DUSP16: variants seen among roughly 807,000 people sequenced by gnomAD.
DUSP16 encodes dual specificity protein phosphatase 16.
Under a neutral mutation model 58.3 loss-of-function variants are expected in DUSP16, and 21 were observed. That is an observed-to-expected ratio of 0.36 (90% CI 0.26 to 0.52). The LOEUF (loss-of-function observed/expected upper bound fraction) is 0.52, where lower values mean the gene tolerates loss of function less well. DUSP16 is among the 20% of genes least tolerant of loss of function. The probability of loss-of-function intolerance (pLI) is 0.94; values close to 1 mark genes in which losing one functional copy is unlikely to be tolerated. For synonymous variants in DUSP16, 320 were observed against 323.8 expected, an observed-to-expected ratio of 0.99 and a Z score of 0.12; for missense variants, 726 against 819.0, an observed-to-expected ratio of 0.89 and a Z score of 1.39.
chr12:12,504,553 C>A (rs536786860), intron 3 of DUSP16, among the ~76,000 whole-genome samples: 1 of 152,126 alleles, frequency 6.6e-6, no homozygotes, highest in East Asian at 1.9e-4. Context: ...TGAGCCACTG[C>A]GCCCTGCCAG....
At chr12:12,545,846 T>C (rs560881404) in intron 1 of DUSP16, among the ~76,000 whole-genome samples, 1 of 152,300 alleles carries the variant, frequency 6.6e-6, no homozygotes, top group East Asian at 1.9e-4. Context: ...CAAAACTATA[T>C]GACAGCTTCA....
At chr12:12,546,800 C>T (rs953097227) in intron 1 of DUSP16, among the ~76,000 whole-genome samples, 1 of 152,158 alleles carries the variant, frequency 6.6e-6, no homozygotes, top group Non-Finnish European at 1.5e-5. Flanking sequence ...GTCATGGCAC[C>T]ATATGGCAAT....
chr12:12,560,594 C>G (rs1158496595), intron 1 of DUSP16, among the ~76,000 whole-genome samples: 1 of 152,210 alleles, frequency 6.6e-6, no homozygotes, highest in African/African-American at 2.4e-5. Context: ...AATCCCTACA[C>G]AGAGCCATAC....
chr12:12,477,931 GT>G lies in DUSP16; in HGVS notation c.899del (p.Asn300ThrfsTer72). 6.2e-7 allele frequency: 1 copy of G among 1,614,182 alleles called. No homozygotes were observed. The highest frequency in any genetic ancestry group is 8.5e-7 in the Non-Finnish European group (1 of 1,180,036). ...TCTTTGGCCCTGATGCTCCAGTCTG[GT>G]TCTTAATCTTCTTCTCATAGTCCAG... ...QLLDYEKKIK[N>X]QTGASGPKSK... On this transcript the variant is annotated frameshift_variant, in exon 7 of 7. Coordinates refer to ENST00000298573, the MANE Select transcript of DUSP16 (RefSeq NM_030640.3). LOFTEE classifies it high-confidence loss of function. This position sits in a 1 kb window ranked among gnomAD's most constrained non-coding sequence, Gnocchi z 4.1.
At chr12:12,499,781 C>T (rs74062576) in intron 4 of DUSP16, among the ~76,000 whole-genome samples, 1,683 of 152,220 alleles carry the variant, frequency 0.011, 30 homozygotes, top group African/African-American at 0.034. Context: ...CACTTTTCCA[C>T]GCAGTAAGAG....
At chr12:12,496,086 T>G (rs762980387) in intron 4 of DUSP16, among the ~76,000 whole-genome samples, 10 of 152,198 alleles carry the variant, frequency 6.6e-5, no homozygotes, top group Non-Finnish European at 1.5e-4. Flanking sequence ...TGTCCACCCC[T>G]AAAGCTGGCT....
chr12:12,554,348 G>A (rs536100704), intron 1 of DUSP16, among the ~76,000 whole-genome samples: 39 of 152,028 alleles, frequency 2.6e-4, no homozygotes, highest in African/African-American at 8.0e-4. Context: ...GACCTCAAGC[G>A]ATCCTCCCAC....
intron 3 of DUSP16, among the ~76,000 whole-genome samples, chr12:12,504,746 G>A (rs558955365): frequency 1.3e-5 from 2 of 150,110 alleles, no homozygotes; most frequent in Non-Finnish European, 3.0e-5. Context: ...GCATGGTGGA[G>A]TATTCCTGTA....
chr12:12,551,381 A>C (rs898626475), intron 1 of DUSP16, among the ~76,000 whole-genome samples: 37 of 151,264 alleles, frequency 2.4e-4, no homozygotes, highest in African/African-American at 8.0e-4. Context: ...TGGTGCGTGT[A>C]ATCTGAGCTA....
chr12:12,480,497 T>G (rs911826959), intron 5 of DUSP16, 151 bp from the exon 6 acceptor site: 15 of 934,688 alleles, frequency 1.6e-5, no homozygotes, highest in Non-Finnish European at 2.1e-5. Context: ...AATATTCTTT[T>G]GAGGAGGCAG....
chr12:12,533,801 C>G (rs1440865943), intron 1 of DUSP16, among the ~76,000 whole-genome samples: 3 of 152,228 alleles, frequency 2.0e-5, no homozygotes, highest in Non-Finnish European at 4.4e-5. Flanking sequence ...ATGGCGTATA[C>G]AGTGTCACTT....
At chr12:12,545,269 G>A (rs1243718446) in intron 1 of DUSP16, among the ~76,000 whole-genome samples, 1 of 151,894 alleles carries the variant, frequency 6.6e-6, no homozygotes, top group Admixed American at 6.6e-5. Context: ...CTAAATTTAT[G>A]TTTACTTTGA....
chr12:12,559,796 T>C (rs948529971), intron 1 of DUSP16, among the ~76,000 whole-genome samples: 2 of 152,062 alleles, frequency 1.3e-5, no homozygotes, highest in African/African-American at 4.8e-5. Context: ...CACTAACACA[T>C]AAATCCTGCC....
chr12:12,541,546 T>C (rs1944560774), intron 1 of DUSP16, among the ~76,000 whole-genome samples: 1 of 152,206 alleles, frequency 6.6e-6, no homozygotes, highest in Non-Finnish European at 1.5e-5. Context: ...CAGGAGTTGG[T>C]CAATCTATGA....
At chr12:12,526,531 GAAC>G (rs1302395144) in intron 1 of DUSP16, among the ~76,000 whole-genome samples, 5 of 152,250 alleles carry the variant, frequency 3.3e-5, no homozygotes, top group South Asian at 2.1e-4. Context: ...TCAACTAAGA[GAAC>G]AACATAAAGT....
chr12:12,522,042 G>T (rs1039338571), intron 1 of DUSP16, among the ~76,000 whole-genome samples: 5 of 152,196 alleles, frequency 3.3e-5, no homozygotes, highest in African/African-American at 1.2e-4. Flanking sequence ...GAGGAGAGAA[G>T]ATGCAGGAAA....
intron 3 of DUSP16, among the ~76,000 whole-genome samples, chr12:12,518,375 T>C (rs1401630392): frequency 4.6e-5 from 7 of 151,980 alleles, no homozygotes; most frequent in Non-Finnish European, 1.0e-4. Context: ...TAGCCAGGCG[T>C]GGTGGCAGGT....
intron 1 of DUSP16, among the ~76,000 whole-genome samples, chr12:12,535,659 T>C (rs139728615): frequency 6.6e-6 from 1 of 152,230 alleles, no homozygotes; most frequent in Non-Finnish European, 1.5e-5. Context: ...AAGTCCTTGA[T>C]ATTAATTAGT....
In DUSP16 at chr12:12,489,925, G is replaced by A. The variant is rs142226444; in HGVS notation, c.532-2738C>T. Among the ~76,000 whole-genome samples, 25 of 152,302 alleles carry A rather than the reference G, an allele frequency of 1.6e-4. No individual in the cohort carries two copies. In the East Asian group the frequency reaches 4.2e-3, roughly 26 times the overall value. The stretch of plus-strand genomic sequence containing the variant: ...TTAATGAATGCCTACAATGTGCCAG[G>A]TACTGTATTAAGCATTTAAATGGAC... On this transcript the variant is annotated intron_variant, in intron 4 of 6. Coordinates refer to ENST00000298573, the MANE Select transcript of DUSP16 (RefSeq NM_030640.3).
Sources: gnomAD v4.1 joint callset for allele counts (sites outside exome capture counted in the v4.1 genomes callset) on GRCh38, gnomAD v4.1.1 for gene constraint, Gnocchi (gnomAD v3.1) non-coding constraint, MANE v1.5 for transcripts, NCBI Gene and HGNC (gene_info 2026-07-23, HGNC 2026-07-21) for gene names.